The following TIMM44 variants were observed in gnomAD, a reference collection of about 807,000 sequenced individuals.
TIMM44 encodes the protein translocase of inner mitochondrial membrane 44, also known as mitochondrial import inner membrane translocase subunit TIM44.
Under a neutral mutation model 63.8 loss-of-function variants are expected in TIMM44, and 37 were observed. That is an observed-to-expected ratio of 0.58 (90% confidence interval 0.45 to 0.76). TIMM44 has a LOEUF of 0.76. Ranked by LOEUF, TIMM44 falls within the 30% of genes least tolerant of loss-of-function variation. The pLI is 0.00. For synonymous variants in TIMM44, 239 were observed against 245.1 expected (o/e 0.98, Z 0.23); for missense variants, 573 against 603.8 (o/e 0.95, Z 0.54).
At chr19:7,931,243 G>A (rs78297755) in intron 9 of TIMM44, 55 bp from the exon 10 acceptor site, 2 of 1,526,682 alleles carry the variant, frequency 1.3e-6, no homozygotes, top group East Asian at 2.2e-5. Flanking sequence ...TCAGGCAGCA[G>A]GCGAGGTCCT....
rs768324341 is a variant in TIMM44 at position 7,928,068 on chromosome 19, G to A, written c.1128+9C>T. ...ATGGTGGCCCGGGCCCCCACTGCGAGGTGCTTACGTCGACGTTGTCAATGT... is the reference window on the plus strand; with the variant it reads ...ATGGTGGCCCGGGCCCCCACTGCGAAGTGCTTACGTCGACGTTGTCAATGT... On this transcript the variant is annotated intron_variant, in intron 11 of 12. Coordinates refer to ENST00000270538, the MANE Select transcript of TIMM44 (RefSeq NM_006351.4). 6.2e-7 allele frequency: 1 copy of A among 1,612,844 alleles called. No homozygotes were observed. The highest frequency in any genetic ancestry group is 8.5e-7 in the Non-Finnish European group (1 of 1,179,244).
At position 7,926,833 on chromosome 19, in the gene TIMM44, C is replaced by T. The variant is rs1387842353; in HGVS notation, c.*354G>A. On this transcript the variant is annotated 3_prime_UTR_variant, in exon 13 of 13. Coordinates refer to ENST00000270538, the MANE Select transcript of TIMM44 (RefSeq NM_006351.4). ...AAAGTGGCTTGGCTGACGTGGCTAG[C>T]GGGCCACTGAGCCGCGGGTCCCGGG... 3 of 347,460 alleles carry T rather than the reference C, an allele frequency of 8.6e-6. No homozygotes were observed. Among genetic ancestry groups the T allele is most frequent in the African/African-American group, 4.2e-5 (2 of 47,458 alleles). The allele number at this position is 347,460 out of a possible 1,614,324, so 21.5% of individuals were successfully genotyped here. A position where few individuals can be genotyped will look rare whatever the true frequency, so the allele number is the denominator to read the frequency against.
At position 7,933,925 on chromosome 19, in the gene TIMM44, G is replaced by T. The variant is rs774365744; in HGVS notation, c.622C>A (p.Arg208=). ...TGPYRRPQRL[R]KRTEFAGDKF... ...TCTCCCGCAAACTCCGTTCTCTTCC[G>T]GAGTCGCTGGGGCCTCCGGTAGGGC... The change falls in exon 6 of 13, where the codon CGG becomes AGG. Residue 208 remains arginine (R), a synonymous_variant. Coordinates refer to ENST00000270538, the MANE Select transcript of TIMM44 (RefSeq NM_006351.4). This position sits in a 1 kb window ranked among gnomAD's most constrained non-coding sequence, Gnocchi z 4.3. 3 of 1,614,116 alleles carry T rather than the reference G, an allele frequency of 1.9e-6. No individual in the cohort carries two copies. In the Admixed American group the frequency reaches 5.0e-5, roughly 27 times the overall value.
Position 7,932,490 on chromosome 19 carries a change from C to T in TIMM44, c.987+137G>A, listed in dbSNP as rs552741018. On this transcript the variant is annotated intron_variant, in intron 9 of 12. Transcript: ENST00000270538. The stretch of plus-strand genomic sequence containing the variant: ...GGGCAGCTGCAGCCGGGCAGGAGCC[C>T]GTGTGCAACCAGCCTCCTCAGAAAA... 1,361 of 1,257,980 alleles carry T rather than the reference C, an allele frequency of 1.1e-3. 17 individuals carry two copies. In the South Asian group the frequency reaches 0.017, roughly 15 times the overall value. The allele number at this position is 1,257,980 out of a possible 1,614,324, so 77.9% of individuals were successfully genotyped here.
chr19:7,939,732 A>G (rs1162478538), intron 2 of TIMM44, among the ~76,000 whole-genome samples: 1 of 152,092 alleles, frequency 6.6e-6, no homozygotes, highest in Non-Finnish European at 1.5e-5. Context: ...CCTGGCCAAC[A>G]TGGTGAAACC....
At chr19:7,942,481 CCT>C (rs1369856224) in intron 1 of TIMM44, among the ~76,000 whole-genome samples, 6 of 152,010 alleles carry the variant, frequency 3.9e-5, no homozygotes, top group Admixed American at 3.3e-4. Context: ...AGCTCGGCAC[CCT>C]GTCACCCAGC....
intron 10 of TIMM44, chr19:7,929,047 G>A (rs1983901807): frequency 6.6e-6 from 1 of 151,370 alleles, no homozygotes; most frequent in Admixed American, 6.6e-5. Flanking sequence ...TTTCCAAGTT[G>A]TTTATGAGCT....
rs776910325 is a variant in TIMM44 at position 7,931,164 on chromosome 19, T to C, written c.1012A>G (p.Ile338Val). The change falls in exon 10 of 13, where the codon ATT becomes GTT. Residue 338 changes from isoleucine to valine, a missense_variant. By Grantham distance (29) the Ile-to-Val change is conservative. Coordinates refer to ENST00000270538, the MANE Select transcript of TIMM44 (RefSeq NM_006351.4). Reference protein sequence around the residue: ...LEAMISGELDILKDWCYEATY... With the variant: ...LEAMISGELDVLKDWCYEATY... ...GCTTCATAGCACCAGTCTTTGAGAATGTCAAGCTCTCCAGAAATCATGGCC... is the reference window on the plus strand; with the variant it reads ...GCTTCATAGCACCAGTCTTTGAGAACGTCAAGCTCTCCAGAAATCATGGCC... 4 of 1,613,056 alleles carry C rather than the reference T, an allele frequency of 2.5e-6. No homozygotes were observed. The highest frequency in any genetic ancestry group is 2.2e-5 in the East Asian group (1 of 44,842).
intron 10 of TIMM44, chr19:7,928,926 A>G: frequency 7.6e-6 from 1 of 131,042 alleles, no homozygotes; most frequent in Non-Finnish European, 1.8e-5. Flanking sequence ...AAAAAACCAA[A>G]AAAAAAAAAA....
At chr19:7,940,934 A>T (rs1316401102) in intron 2 of TIMM44, among the ~76,000 whole-genome samples, 168 bp downstream of exon 2, 2 of 151,882 alleles carry the variant, frequency 1.3e-5, no homozygotes, top group Non-Finnish European at 2.9e-5. Flanking sequence ...TGGGACCGAG[A>T]AGGCCAGGCA....
Position 7,927,391 on chromosome 19 carries a change from G to A in TIMM44, c.1240-85C>T. 12 of 1,533,210 alleles carry A rather than the reference G, an allele frequency of 7.8e-6. No individual in the cohort carries two copies. In the South Asian group the frequency reaches 1.2e-4, roughly 16 times the overall value. 95.0% of individuals were successfully genotyped at this position (1,533,210 alleles called of 1,614,324 possible). On this transcript the variant is annotated intron_variant, in intron 12 of 12. Transcript: ENST00000270538. ...GGGGGGGGCCAGGCTCTGTGGGGCA[G>A]GAGCCACCGGCAACTTCCCCAGGGG... is the stretch of plus-strand genomic sequence containing the variant.
Position 7,933,072 on chromosome 19 carries a change from C to G in TIMM44, c.770-140G>C, listed in dbSNP as rs1439897052. On this transcript the variant is annotated intron_variant, in intron 7 of 12. Coordinates refer to ENST00000270538, the MANE Select transcript of TIMM44 (RefSeq NM_006351.4). This position sits in a 1 kb window ranked among gnomAD's most constrained non-coding sequence, Gnocchi z 4.3. ...GGTCAGGGAGGGGACGGCTGTGGACCTGCATCCTCATCTGTGCTTGGGGAC... is the reference window on the plus strand; with the variant it reads ...GGTCAGGGAGGGGACGGCTGTGGACGTGCATCCTCATCTGTGCTTGGGGAC... The G allele has an allele frequency of 1.4e-6, 1 of 734,396 alleles. No individual in the cohort carries two copies. The highest frequency in any genetic ancestry group is 2.4e-6 in the Non-Finnish European group (1 of 417,742). 45.5% of individuals were successfully genotyped at this position (734,396 alleles called of 1,614,324 possible).
In TIMM44 at chr19:7,934,941, G is replaced by T; in HGVS notation, c.393+124C>A. ...TCCTGAAACCTTCCCGAGGGTGGCA[G>T]CACGCCCCATGCCACCCACTGCTGC... On this transcript the variant is annotated intron_variant, in intron 4 of 12. Transcript: ENST00000270538. The surrounding 1 kb of genome is among the most constrained non-coding windows in gnomAD (Gnocchi z 5.3). 2.4e-6 allele frequency: 2 copies of T among 844,648 alleles called. No individual in the cohort carries two copies. Among genetic ancestry groups the T allele is most frequent in the Non-Finnish European group, 3.9e-6 (2 of 510,500 alleles). The allele number at this position is 844,648 out of a possible 1,614,324, so 52.3% of individuals were successfully genotyped here. A position where few individuals can be genotyped will look rare whatever the true frequency, so the allele number is the denominator to read the frequency against.
chr19:7,927,958 C>G, intron 11 of TIMM44, 119 bp downstream of exon 11: 8 of 1,189,796 alleles, frequency 6.7e-6, no homozygotes, highest in Admixed American at 4.0e-5. Flanking sequence ...TGGACAAGCC[C>G]AAGACCTCTT....
chr19:7,927,434 C>A, intron 12 of TIMM44, 128 bp from the exon 13 acceptor site: 1 of 1,229,284 alleles, frequency 8.1e-7, no homozygotes. Context: ...CAGAGGCCAG[C>A]ACAATTGCCT....
At chr19:7,939,981 G>A (rs959920591) in intron 2 of TIMM44, among the ~76,000 whole-genome samples, 5 of 152,166 alleles carry the variant, frequency 3.3e-5, no homozygotes, top group African/African-American at 1.2e-4. Flanking sequence ...GGGGCCGCCT[G>A]TGGTCAACTT....
rs779286883 is a variant in TIMM44 at position 7,934,656 on chromosome 19, A to C, written c.393+409T>G. ...CCAAGGAGGGGACCCCGGGGAAAGA[A>C]CGGCGGTGAGGGCGCCCCATGCTGC... is the stretch of plus-strand genomic sequence containing the variant. On this transcript the variant is annotated intron_variant, in intron 4 of 12. Transcript: ENST00000270538. The surrounding 1 kb of genome is among the most constrained non-coding windows in gnomAD (Gnocchi z 5.3). Among the ~76,000 whole-genome samples, 14 of 152,246 alleles carry C rather than the reference A, an allele frequency of 9.2e-5. No homozygotes were observed. Among genetic ancestry groups the C allele is most frequent in the Non-Finnish European group, 8.8e-5 (6 of 67,984 alleles).
intron 10 of TIMM44, 118 bp downstream of exon 10, chr19:7,931,020 C>T (rs958420174): frequency 3.9e-5 from 34 of 878,426 alleles, no homozygotes; most frequent in African/African-American, 2.4e-4. Context: ...ATTCCCCCAC[C>T]GGGAGCCCAG....
In TIMM44 at chr19:7,943,320, A is replaced by G. The variant is rs1476168600; in HGVS notation, c.45+287T>C. On this transcript the variant is annotated intron_variant, in intron 1 of 12. Transcript: ENST00000270538. The surrounding 1 kb of genome is among the most constrained non-coding windows in gnomAD (Gnocchi z 4.3). ...TCCACGGGACGCCGCCGCCCCGGCT[A>G]CCATTCTCTCTCCTGTATACGTGGA... is the stretch of plus-strand genomic sequence containing the variant. Among the ~76,000 whole-genome samples, 1 of 150,812 alleles carries G rather than the reference A, an allele frequency of 6.6e-6. No individual in the cohort carries two copies. The highest frequency in any genetic ancestry group is 1.5e-5 in the Non-Finnish European group (1 of 67,654).
Sources: gnomAD v4.1 joint callset for allele counts (sites outside exome capture counted in the v4.1 genomes callset) on GRCh38, gnomAD v4.1.1 for gene constraint, Gnocchi (gnomAD v3.1) non-coding constraint, MANE v1.5 for transcripts, NCBI Gene and HGNC (gene_info 2026-07-23, HGNC 2026-07-21) for gene names.